Variants in CTIF observed in about 807,000 individuals in gnomAD.
CTIF encodes CBP80/20-dependent translation initiation factor.
A neutral mutation model predicts 66.0 loss-of-function variants in CTIF; 21 were observed. That is an observed-to-expected ratio of 0.32 (90% CI 0.23 to 0.46). The LOEUF is 0.46. CTIF is among the 20% of genes least tolerant of loss of function. The pLI, the probability that CTIF is intolerant of heterozygous loss-of-function variation, is 1.00. For missense variants in CTIF, 739 were observed against 812.7 expected (o/e 0.91, Z 1.10); for synonymous variants, 345 against 326.4 (o/e 1.06, Z -0.62).
At chr18:48,609,332 G>C (rs1383038505) in intron 1 of CTIF, among the ~76,000 whole-genome samples, 1 of 152,204 alleles carries the variant, frequency 6.6e-6, no homozygotes, top group Non-Finnish European at 1.5e-5. Flanking sequence ...GTGCCCAGAG[G>C]TGGGCCTTGA....
intron 10 of CTIF, among the ~76,000 whole-genome samples, chr18:48,854,368 T>C (rs1308102684): frequency 6.6e-6 from 1 of 152,110 alleles, no homozygotes; most frequent in Non-Finnish European, 1.5e-5. Context: ...ACACCAGCTA[T>C]GGAGTGCGGC....
rs565120506 is a variant in CTIF at position 48,673,878 on chromosome 18, G to T, written c.507+3134G>T. On this transcript the variant is annotated intron_variant, in intron 6 of 11. Coordinates refer to ENST00000256413, the MANE Select transcript of CTIF (RefSeq NM_014772.3). ...TGGCCCAAGACAGTTGTTTCGGTGT[G>T]GCCCAGGGAAGCCAAAAGATTGGAC... Among the ~76,000 whole-genome samples the T allele has an allele frequency of 2.6e-5, 4 of 152,318 alleles. No homozygotes were observed. The South Asian group carries it at 8.3e-4, about 32-fold the overall frequency.
chr18:48,612,977 A>T (rs1421579342), intron 1 of CTIF, among the ~76,000 whole-genome samples: 5 of 152,052 alleles, frequency 3.3e-5, no homozygotes, highest in Non-Finnish European at 5.9e-5. Context: ...AAGAGCCTGA[A>T]GAAGTGTGGG....
At chr18:48,720,821 G>T (rs554940629) in intron 7 of CTIF, among the ~76,000 whole-genome samples, 1 of 152,214 alleles carries the variant, frequency 6.6e-6, no homozygotes, top group African/African-American at 2.4e-5. Context: ...CCGCACTCCT[G>T]GGCAGAACAA....
At chr18:48,747,448 C>G (rs375219902) in intron 7 of CTIF, among the ~76,000 whole-genome samples, 5 of 152,316 alleles carry the variant, frequency 3.3e-5, no homozygotes, top group East Asian at 3.9e-4. Flanking sequence ...CTGGAGCCAA[C>G]AGGGTGGCGG....
intron 1 of CTIF, among the ~76,000 whole-genome samples, chr18:48,544,211 G>T (rs936971773): frequency 6.6e-6 from 1 of 152,202 alleles, no homozygotes; most frequent in Non-Finnish European, 1.5e-5. Context: ...ACTTTAATAC[G>T]CTGCACTTGA....
intron 10 of CTIF, among the ~76,000 whole-genome samples, chr18:48,822,505 AACACACACACACACACAC>A (rs56745285): frequency 3.7e-5 from 4 of 107,576 alleles, no homozygotes; most frequent in East Asian, 2.7e-4. Flanking sequence ...CCCCACCCCC[AACACACACACACACACAC>A]ACACACACAC....
intron 6 of CTIF, among the ~76,000 whole-genome samples, chr18:48,682,056 G>C (rs1275091338): frequency 6.6e-6 from 1 of 151,826 alleles, no homozygotes; most frequent in Non-Finnish European, 1.5e-5. Context: ...AAAGTGCTGG[G>C]ATTACAGGTG....
chr18:48,780,869 G>A (rs765969922), intron 9 of CTIF, among the ~76,000 whole-genome samples: 4 of 152,160 alleles, frequency 2.6e-5, no homozygotes, highest in Non-Finnish European at 5.9e-5. Flanking sequence ...TAAGGAGGGG[G>A]GCGTGCTGAT....
At chr18:48,787,191 C>T (rs1911786712) in intron 9 of CTIF, among the ~76,000 whole-genome samples, 2 of 151,954 alleles carry the variant, frequency 1.3e-5, no homozygotes, top group African/African-American at 2.4e-5. Flanking sequence ...CACCCGCAGT[C>T]CTTACTATTT....
At chr18:48,641,094 G>T (rs935480003) in intron 3 of CTIF, among the ~76,000 whole-genome samples, 1 of 152,212 alleles carries the variant, frequency 6.6e-6, no homozygotes, top group East Asian at 1.9e-4. Context: ...TAGTTAGGAC[G>T]TCAGACGTTT....
intron 10 of CTIF, among the ~76,000 whole-genome samples, chr18:48,837,576 G>A (rs2068840610): frequency 6.6e-6 from 1 of 152,120 alleles, no homozygotes; most frequent in Admixed American, 6.5e-5. Context: ...GCTAAGAAGA[G>A]GGTCTCAGTC....
chr18:48,580,964 C>T (rs569120517), intron 1 of CTIF, among the ~76,000 whole-genome samples: 1 of 152,348 alleles, frequency 6.6e-6, no homozygotes, highest in African/African-American at 2.4e-5. Flanking sequence ...ACACTGCTTT[C>T]GCATGTATTG....
chr18:48,704,721 A>G (rs1456212668), intron 6 of CTIF, among the ~76,000 whole-genome samples: 16 of 152,198 alleles, frequency 1.1e-4, no homozygotes, highest in Non-Finnish European at 2.2e-4. Flanking sequence ...GGCCCCACAC[A>G]TGCACATTCC....
chr18:48,798,635 C>A (rs1280049918), intron 9 of CTIF, among the ~76,000 whole-genome samples: 1 of 152,222 alleles, frequency 6.6e-6, no homozygotes, highest in African/African-American at 2.4e-5. Context: ...CCCCCACCTG[C>A]AGGCCTTACA....
At chr18:48,691,261 A>G (rs990215343) in intron 6 of CTIF, among the ~76,000 whole-genome samples, 4 of 152,186 alleles carry the variant, frequency 2.6e-5, no homozygotes, top group Admixed American at 6.5e-5. Flanking sequence ...ACGTCTAGAA[A>G]CAAAGGGATT....
chr18:48,758,561 C>A, intron 8 of CTIF, 156 bp downstream of exon 8: 1 of 864,270 alleles, frequency 1.2e-6, no homozygotes, highest in Non-Finnish European at 1.8e-6. Context: ...TGGGGACCAA[C>A]CACACTGGTC....
intron 7 of CTIF, among the ~76,000 whole-genome samples, chr18:48,717,356 C>G (rs2092291234): frequency 6.6e-6 from 1 of 151,740 alleles, no homozygotes; most frequent in African/African-American, 2.4e-5. Context: ...CGAGATCACG[C>G]CATTGCACTC....
intron 11 of CTIF, among the ~76,000 whole-genome samples, chr18:48,859,064 A>G (rs1048702241): frequency 6.6e-6 from 1 of 152,208 alleles, no homozygotes; most frequent in Non-Finnish European, 1.5e-5. Flanking sequence ...AAAAGGGACA[A>G]GAGGCATGTT....
Sources: allele counts gnomAD v4.1 joint callset (sites outside exome capture counted in the v4.1 genomes callset), GRCh38; gene constraint gnomAD v4.1.1; transcripts MANE v1.5; gene names NCBI Gene and HGNC (gene_info 2026-07-23, HGNC 2026-07-21).